RBM6: variants seen among roughly 807,000 people sequenced by gnomAD.
RBM6 encodes RNA binding motif protein 6.
A neutral mutation model predicts 140.4 loss-of-function variants in RBM6; 23 were observed. The ratio of observed to expected loss-of-function variants is 0.16; its 90% CI spans 0.12 to 0.23. RBM6 has a LOEUF of 0.23. Among genes scored for constraint, RBM6 ranks in the 10% least tolerant of loss-of-function variants. The pLI is 1.00. For synonymous variants in RBM6, 439 were observed against 475.6 expected (o/e 0.92, Z 1.00); for missense variants, 1,139 against 1,386.7 (o/e 0.82, Z 2.84).
chr3:50,072,324 C>T (rs1322912167), intron 19 of RBM6, among the ~76,000 whole-genome samples: 2 of 151,076 alleles, frequency 1.3e-5, no homozygotes, highest in African/African-American at 4.9e-5. Context: ...GCAGGAGAAT[C>T]GCTTGAACAT....
At chr3:50,018,514 A>T (rs1366440916) in intron 6 of RBM6, among the ~76,000 whole-genome samples, 1 of 150,776 alleles carries the variant, frequency 6.6e-6, no homozygotes, top group Non-Finnish European at 1.5e-5. Context: ...TTTTGTACGG[A>T]CATACGTTTT....
At chr3:50,018,873 G>A (rs2108788853) in intron 6 of RBM6, among the ~76,000 whole-genome samples, 1 of 152,176 alleles carries the variant, frequency 6.6e-6, no homozygotes, top group African/African-American at 2.4e-5. Context: ...ACAGGCGTAA[G>A]CCACTGCACC....
intron 2 of RBM6, among the ~76,000 whole-genome samples, chr3:49,965,407 C>T (rs2084462422): frequency 6.6e-6 from 1 of 152,204 alleles, no homozygotes; most frequent in African/African-American, 2.4e-5. Flanking sequence ...TGGCGGCTCA[C>T]GCCTGTAATC....
At chr3:49,985,914 G>T (rs1418266724) in intron 5 of RBM6, among the ~76,000 whole-genome samples, 1 of 151,902 alleles carries the variant, frequency 6.6e-6, no homozygotes, top group Non-Finnish European at 1.5e-5. Context: ...CCTTAAGAAT[G>T]AGTTGATTGT....
At chr3:49,966,130 A>C (rs2084507877) in intron 2 of RBM6, among the ~76,000 whole-genome samples, 2 of 152,124 alleles carry the variant, frequency 1.3e-5, no homozygotes, top group Non-Finnish European at 2.9e-5. Context: ...CGTCTCAAAA[A>C]AAAAGAAAAA....
chr3:50,069,288 G>A (rs144316669), intron 18 of RBM6, among the ~76,000 whole-genome samples: 71 of 152,196 alleles, frequency 4.7e-4, no homozygotes, highest in African/African-American at 1.4e-3. Context: ...TGAGACGGGC[G>A]GATCACTTGA....
intron 5 of RBM6, among the ~76,000 whole-genome samples, chr3:49,995,180 A>G (rs551757838): frequency 6.6e-6 from 1 of 152,166 alleles, no homozygotes; most frequent in Non-Finnish European, 1.5e-5. Flanking sequence ...AGGCAACCAC[A>G]TGGTTAATGA....
rs558422307 is a variant in RBM6 at position 50,062,242 on chromosome 3, C to T, written c.2586+134C>T. The stretch of plus-strand genomic sequence containing the variant: ...TCTGTCAGCCGGGCGTGGTGGCTAA[C>T]GCCTGTAATCCCAGCACTTTGGGAG... On this transcript the variant is annotated intron_variant, in intron 15 of 20. Transcript: ENST00000266022. The T allele has an allele frequency of 9.8e-5, 104 of 1,065,006 alleles. No homozygotes were observed. The African/African-American group carries it at 1.3e-3, about 13-fold the overall frequency. 66.0% of individuals were successfully genotyped at this position (1,065,006 alleles called of 1,614,324 possible).
chr3:49,994,669 G>GGGGTGTGTGTGTGTGTGT (rs148704782), intron 5 of RBM6, among the ~76,000 whole-genome samples: 30 of 148,162 alleles, frequency 2.0e-4, no homozygotes, highest in Admixed American at 5.4e-4. Context: ...AAGGCTGTGG[G>GGGGTGTGTGTGTGTGTGT]GTGTGTGTGT....
intron 4 of RBM6, 149 bp downstream of exon 4, chr3:49,972,297 A>G (rs2084835251): frequency 1.5e-6 from 1 of 650,652 alleles, no homozygotes; most frequent in African/African-American, 1.8e-5. Context: ...CAGTGTTAAT[A>G]TTTTGCACAA....
chr3:49,962,017 C>T (rs1051788597), intron 1 of RBM6, among the ~76,000 whole-genome samples: 10 of 151,376 alleles, frequency 6.6e-5, no homozygotes, highest in African/African-American at 9.7e-5. Context: ...ATTAGCTGGG[C>T]GGCCGGCGTG....
intron 5 of RBM6, among the ~76,000 whole-genome samples, chr3:49,987,472 C>T (rs757765943): frequency 4.0e-5 from 6 of 151,662 alleles, no homozygotes; most frequent in Non-Finnish European, 7.4e-5. Context: ...CCCGCCACTA[C>T]GCCCAGCTAA....
intron 6 of RBM6, among the ~76,000 whole-genome samples, chr3:50,047,863 T>C (rs769074905): frequency 2.7e-4 from 41 of 152,206 alleles, no homozygotes; most frequent in Non-Finnish European, 4.6e-4. Context: ...TCTGCCTCTG[T>C]GCAGAAGGAA....
chr3:49,994,186 C>G (rs1223153117), intron 5 of RBM6, among the ~76,000 whole-genome samples: 1 of 152,132 alleles, frequency 6.6e-6, no homozygotes, highest in Non-Finnish European at 1.5e-5. Flanking sequence ...ACCTCAGCCT[C>G]TTAAGTAGCT....
intron 6 of RBM6, among the ~76,000 whole-genome samples, chr3:50,042,944 G>T (rs2089010576): frequency 6.6e-6 from 1 of 152,090 alleles, no homozygotes; most frequent in South Asian, 2.1e-4. Context: ...CAGACCCAGA[G>T]TTTGCTCCTC....
intron 6 of RBM6, among the ~76,000 whole-genome samples, chr3:50,023,366 C>T (rs1343930921): frequency 6.6e-6 from 1 of 152,012 alleles, no homozygotes; most frequent in Non-Finnish European, 1.5e-5. Context: ...AGTACAGTGG[C>T]GCGATCTCGG....
At chr3:50,062,144 A>G (rs772306937) in intron 15 of RBM6, 36 bp downstream of exon 15, 20 of 1,597,650 alleles carry the variant, frequency 1.3e-5, no homozygotes, top group Non-Finnish European at 1.7e-5. Context: ...CTTTTGCCAC[A>G]TAGTTATTAA....
intron 1 of RBM6, among the ~76,000 whole-genome samples, chr3:49,955,484 G>A (rs924816957): frequency 9.2e-5 from 14 of 151,818 alleles, no homozygotes; most frequent in South Asian, 2.1e-4. Context: ...TGCAACCTTC[G>A]CCTCCCAGGT....
intron 1 of RBM6, among the ~76,000 whole-genome samples, chr3:49,956,885 G>T (rs544387830): frequency 2.9e-4 from 44 of 151,800 alleles, no homozygotes; most frequent in Admixed American, 1.2e-3. Context: ...GGCTGGTCTC[G>T]AACTCCAGAC....
Sources: gnomAD v4.1 joint callset for allele counts (sites outside exome capture counted in the v4.1 genomes callset) on GRCh38, gnomAD v4.1.1 for gene constraint, MANE v1.5 for transcripts, NCBI Gene and HGNC (gene_info 2026-07-23, HGNC 2026-07-21) for gene names.